The following TENM3 variants were observed in gnomAD, a reference collection of about 807,000 sequenced individuals.
TENM3 encodes the protein teneurin-3.
In TENM3, 63 loss-of-function variants were observed where a neutral mutation model predicts 255.1. That is an observed-to-expected ratio of 0.25 (90% CI 0.20 to 0.30). The LOEUF (loss-of-function observed/expected upper bound fraction) is 0.30. Ranked by LOEUF, TENM3 falls within the 10% of genes least tolerant of loss-of-function variation. TENM3 has a pLI of 1.00. For synonymous variants in TENM3, 1,306 were observed against 1,322.3 expected (o/e 0.99, Z 0.27); for missense variants, 2,929 against 3,461.1 (o/e 0.85, Z 3.86).
the TENM3 span, among the ~76,000 whole-genome samples, chr4:181,614,839 G>C: frequency 6.6e-6 from 1 of 152,188 alleles, no homozygotes; most frequent in African/African-American, 2.4e-5. Context: ...ATTTCCTCCA[G>C]GCTCATTTAA....
chr4:181,701,622 T>C, the TENM3 span, among the ~76,000 whole-genome samples: 2,805 of 152,242 alleles, frequency 0.018, 46 homozygotes, highest in Middle Eastern at 0.12. Context: ...TGCCATGGAT[T>C]AGAATGAAGT....
chr4:181,651,132 A>G, the TENM3 span, among the ~76,000 whole-genome samples: 2 of 152,232 alleles, frequency 1.3e-5, no homozygotes, highest in African/African-American at 4.8e-5. Flanking sequence ...ATGGTTGATG[A>G]GTACAGCATA....
At chr4:181,612,198 C>T in the TENM3 span, among the ~76,000 whole-genome samples, 731 of 152,222 alleles carry the variant, frequency 4.8e-3, 2 homozygotes, top group Middle Eastern at 0.01. Context: ...AGGGTCCCCT[C>T]GCCCAACACA....
chr4:181,796,879 C>T, the TENM3 span, among the ~76,000 whole-genome samples: 1 of 152,212 alleles, frequency 6.6e-6, no homozygotes. Context: ...TCCACTTTTA[C>T]ATCTCAGAAA....
At chr4:181,527,450 C>T in the TENM3 span, among the ~76,000 whole-genome samples, 3 of 151,956 alleles carry the variant, frequency 2.0e-5, no homozygotes, top group Admixed American at 2.0e-4. Flanking sequence ...CTCTCTGCAA[C>T]CTCTGCCTGC....
At chr4:181,462,837 C>T in the TENM3 span, among the ~76,000 whole-genome samples, 94,650 of 152,038 alleles carry the variant, frequency 0.62, 30,162 homozygotes, top group African/African-American at 0.73. Context: ...TCAACGTTGG[C>T]TTACTTTTCT....
At chr4:182,000,066 T>G in the TENM3 span, among the ~76,000 whole-genome samples, 2 of 152,148 alleles carry the variant, frequency 1.3e-5, no homozygotes, top group Admixed American at 6.6e-5. Flanking sequence ...TGGTGAAAAT[T>G]TAGTCTACAT....
the TENM3 span, among the ~76,000 whole-genome samples, chr4:181,995,175 A>G: frequency 6.6e-6 from 1 of 152,096 alleles, no homozygotes; most frequent in African/African-American, 2.4e-5. Flanking sequence ...CTGTAATCCC[A>G]GCTACTTGGG....
chr4:182,125,508 C>T, the TENM3 span, among the ~76,000 whole-genome samples: 1 of 152,102 alleles, frequency 6.6e-6, no homozygotes, highest in Non-Finnish European at 1.5e-5. Flanking sequence ...AAAATGAAGG[C>T]TTAAAATTGA....
At chr4:182,099,819 CA>C in the TENM3 span, among the ~76,000 whole-genome samples, 1 of 152,080 alleles carries the variant, frequency 6.6e-6, no homozygotes, top group Admixed American at 6.5e-5. Context: ...AGGCAGTAAT[CA>C]GAAGTTCTAA....
At chr4:181,795,386 C>T in the TENM3 span, among the ~76,000 whole-genome samples, 2 of 152,038 alleles carry the variant, frequency 1.3e-5, no homozygotes, top group African/African-American at 4.8e-5. Flanking sequence ...CTTATAAAGG[C>T]ACTAATCCTG....
At chr4:182,018,933 G>A in the TENM3 span, among the ~76,000 whole-genome samples, 1 of 152,248 alleles carries the variant, frequency 6.6e-6, no homozygotes, top group African/African-American at 2.4e-5. Context: ...ATCATCCAAT[G>A]AGTAGGGGGC....
At chr4:181,767,176 C>T in the TENM3 span, among the ~76,000 whole-genome samples, 6 of 141,338 alleles carry the variant, frequency 4.2e-5, no homozygotes, top group East Asian at 6.5e-4. Context: ...GGCGTGAACC[C>T]GGGAGGCGGA....
chr4:182,016,274 T>A, the TENM3 span, among the ~76,000 whole-genome samples: 1 of 152,212 alleles, frequency 6.6e-6, no homozygotes, highest in African/African-American at 2.4e-5. Context: ...CTTGAGATGA[T>A]CTCATTCACC....
At chr4:181,609,802 A>G in the TENM3 span, among the ~76,000 whole-genome samples, 3 of 152,206 alleles carry the variant, frequency 2.0e-5, no homozygotes, top group Non-Finnish European at 4.4e-5. Flanking sequence ...TCCACCACAT[A>G]TTCGATTTTA....
chr4:181,804,220 C>T, the TENM3 span, among the ~76,000 whole-genome samples: 1 of 116,656 alleles, frequency 8.6e-6, no homozygotes, highest in Non-Finnish European at 1.8e-5. Context: ...GCCTTTGTTT[C>T]CCCAGAGAAA....
the TENM3 span, among the ~76,000 whole-genome samples, chr4:181,651,293 G>T: frequency 6.6e-6 from 1 of 152,148 alleles, no homozygotes; most frequent in Admixed American, 6.5e-5. Flanking sequence ...GTAATAAAAA[G>T]CAGCAGTGTA....
chr4:182,589,335 C>G (rs896307672), intron 3 of TENM3, among the ~76,000 whole-genome samples: 8 of 151,874 alleles, frequency 5.3e-5, no homozygotes, highest in African/African-American at 1.9e-4. Flanking sequence ...ACCATTTAAA[C>G]AATCCAATGA....
chr4:181,904,907 T>C, the TENM3 span, among the ~76,000 whole-genome samples: 1 of 152,044 alleles, frequency 6.6e-6, no homozygotes, highest in Non-Finnish European at 1.5e-5. Flanking sequence ...AGCGAATGGG[T>C]CTCACGAACT....
Sources: allele counts gnomAD v4.1 joint callset (sites outside exome capture counted in the v4.1 genomes callset), GRCh38; gene constraint gnomAD v4.1.1; transcripts MANE v1.5; gene names NCBI Gene and HGNC (gene_info 2026-07-23, HGNC 2026-07-21).